GULP1: variants seen among roughly 807,000 people sequenced by gnomAD.
The protein encoded by GULP1 is PTB domain-containing engulfment adapter protein 1.
GULP1 carries 19 observed loss-of-function variants against 40.9 expected under a neutral mutation model. That is an observed-to-expected ratio of 0.46 (90% CI 0.32 to 0.68). The LOEUF (loss-of-function observed/expected upper bound fraction) is 0.68, where lower values mean the gene tolerates loss of function less well. Among genes scored for constraint, GULP1 ranks in the 30% least tolerant of loss-of-function variants. GULP1 has a pLI of 0.03. For synonymous variants in GULP1, 119 were observed against 117.6 expected, an observed-to-expected ratio of 1.01 and a Z score of -0.08; for missense variants, 312 against 362.2, an observed-to-expected ratio of 0.86 and a Z score of 1.12.
At chr2:188,459,170 C>T (rs113244073) in intron 2 of GULP1, among the ~76,000 whole-genome samples, 5 of 152,166 alleles carry the variant, frequency 3.3e-5, no homozygotes, top group Admixed American at 6.5e-5. Flanking sequence ...GTGCAGTTAT[C>T]GCTTTGACAT....
At chr2:188,400,929 GTGTGTGT>G (rs1244738631) in intron 2 of GULP1, among the ~76,000 whole-genome samples, 8 of 49,014 alleles carry the variant, frequency 1.6e-4, no homozygotes, top group African/African-American at 8.6e-4. Flanking sequence ...GTGTTTGTGT[GTGTGTGT>G]GTGTGTGTGT....
chr2:188,317,530 A>G (rs2106508246), intron 1 of GULP1, among the ~76,000 whole-genome samples: 1 of 152,148 alleles, frequency 6.6e-6, no homozygotes, highest in Admixed American at 6.6e-5. Context: ...TTATATCTTT[A>G]CATTGTTTTA....
At chr2:188,362,598 G>C (rs1354929315) in intron 1 of GULP1, among the ~76,000 whole-genome samples, 1 of 152,090 alleles carries the variant, frequency 6.6e-6, no homozygotes, top group South Asian at 2.1e-4. Flanking sequence ...AAGGTCTGTT[G>C]CTTGTTCTTC....
At chr2:188,497,479 T>A (rs1319147715) in intron 4 of GULP1, among the ~76,000 whole-genome samples, 2 of 152,136 alleles carry the variant, frequency 1.3e-5, no homozygotes, top group Admixed American at 1.3e-4. Context: ...GACTTTGTTG[T>A]CTGTTTCACC....
intron 1 of GULP1, among the ~76,000 whole-genome samples, chr2:188,355,956 G>C (rs2045244014): frequency 6.6e-6 from 1 of 151,986 alleles, no homozygotes; most frequent in Non-Finnish European, 1.5e-5. Flanking sequence ...AATGGACACA[G>C]AAAAAGCATT....
At chr2:188,540,970 T>C (rs753218929) in intron 6 of GULP1, among the ~76,000 whole-genome samples, 1 of 152,194 alleles carries the variant, frequency 6.6e-6, no homozygotes, top group Non-Finnish European at 1.5e-5. Flanking sequence ...TCAGCACTAC[T>C]GAAATGCATA....
intron 4 of GULP1, among the ~76,000 whole-genome samples, chr2:188,502,935 G>A (rs2063565468): frequency 6.6e-6 from 1 of 151,908 alleles, no homozygotes; most frequent in Non-Finnish European, 1.5e-5. Context: ...GTGTGCTCCA[G>A]GAGGGAAGAG....
At chr2:188,301,230 C>T (rs1443280379) in intron 1 of GULP1, among the ~76,000 whole-genome samples, 1 of 152,114 alleles carries the variant, frequency 6.6e-6, no homozygotes, top group African/African-American at 2.4e-5. Flanking sequence ...CACTGTGTTG[C>T]CCAGGCTTGT....
At chr2:188,512,485 A>G (rs2064686957) in intron 4 of GULP1, among the ~76,000 whole-genome samples, 1 of 152,092 alleles carries the variant, frequency 6.6e-6, no homozygotes, top group African/African-American at 2.4e-5. Context: ...TGTCCTTTGT[A>G]TGTTAAATAC....
At chr2:188,340,168 G>A (rs2042774057) in intron 1 of GULP1, among the ~76,000 whole-genome samples, 2 of 152,192 alleles carry the variant, frequency 1.3e-5, no homozygotes, top group South Asian at 4.1e-4. Context: ...GAACCCTTCA[G>A]TTTCTGTGTT....
intron 2 of GULP1, among the ~76,000 whole-genome samples, chr2:188,454,398 G>A (rs1335635560): frequency 1.3e-5 from 2 of 152,218 alleles, no homozygotes; most frequent in Middle Eastern, 6.8e-3. Context: ...ACTCAAAGGT[G>A]GGCATGACAC....
chr2:188,537,658 A>G (rs1207051602), intron 6 of GULP1, among the ~76,000 whole-genome samples: 1 of 151,788 alleles, frequency 6.6e-6, no homozygotes, highest in Admixed American at 6.6e-5. Context: ...TTTTCACTGT[A>G]TCTTTGCAAT....
intron 1 of GULP1, among the ~76,000 whole-genome samples, chr2:188,340,433 A>G (rs1276603058): frequency 6.6e-6 from 1 of 152,110 alleles, no homozygotes; most frequent in African/African-American, 2.4e-5. Context: ...GGAGATGCAG[A>G]TGAGTGGGTG....
intron 2 of GULP1, among the ~76,000 whole-genome samples, chr2:188,455,554 T>G (rs2059190416): frequency 6.6e-6 from 1 of 152,216 alleles, no homozygotes. Flanking sequence ...TGCCATGATT[T>G]TGAGGCCTCC....
chr2:188,488,521 T>G (rs988099923), intron 4 of GULP1, among the ~76,000 whole-genome samples: 13 of 152,204 alleles, frequency 8.5e-5, no homozygotes, highest in Admixed American at 8.5e-4. Context: ...ACTCTGGAGT[T>G]GACACTAGTC....
chr2:188,399,307 A>G (rs1325614495), intron 2 of GULP1, among the ~76,000 whole-genome samples: 1 of 152,138 alleles, frequency 6.6e-6, no homozygotes, highest in Non-Finnish European at 1.5e-5. Context: ...GGAGCTAAAT[A>G]TGGACCAATA....
chr2:188,338,782 T>A (rs1381862335), intron 1 of GULP1, among the ~76,000 whole-genome samples: 1 of 152,166 alleles, frequency 6.6e-6, no homozygotes, highest in African/African-American at 2.4e-5. Flanking sequence ...CTCCCATCTG[T>A]CCAGTACTAG....
At chr2:188,485,459 T>A (rs2153071073) in intron 4 of GULP1, among the ~76,000 whole-genome samples, 1 of 152,050 alleles carries the variant, frequency 6.6e-6, no homozygotes, top group East Asian at 1.9e-4. Flanking sequence ...ATTTGAAGAA[T>A]GTTAGTTTTT....
At chr2:188,390,737 TA>T (rs1355649235) in intron 2 of GULP1, among the ~76,000 whole-genome samples, 4 of 152,170 alleles carry the variant, frequency 2.6e-5, no homozygotes, top group Non-Finnish European at 5.9e-5. Context: ...CTAGGTTTTT[TA>T]TGGTTTCAGG....
Sources: allele counts gnomAD v4.1 joint callset (sites outside exome capture counted in the v4.1 genomes callset), GRCh38; gene constraint gnomAD v4.1.1; transcripts MANE v1.5; gene names NCBI Gene and HGNC (gene_info 2026-07-23, HGNC 2026-07-21).